The following SLC22A8 variants were observed in gnomAD, a reference collection of about 807,000 sequenced individuals.
The protein encoded by SLC22A8 is organic anion transporter 3.
Under a neutral mutation model 48.4 loss-of-function variants are expected in SLC22A8, and 40 were observed. The observed-to-expected ratio is 0.83, with a 90% CI of 0.64 to 1.08. The LOEUF (loss-of-function observed/expected upper bound fraction) is 1.08. SLC22A8 is among the 50% of genes least tolerant of loss of function. The probability of loss-of-function intolerance (pLI) is 0.00; values close to 1 mark genes in which losing one functional copy is unlikely to be tolerated. For missense variants in SLC22A8, 606 were observed against 699.0 expected (o/e 0.87, Z 1.50); for synonymous variants, 268 against 286.3 (o/e 0.94, Z 0.65).
chr11:63,010,757 G>A (rs901392644), intron 2 of SLC22A8, among the ~76,000 whole-genome samples: 1 of 152,140 alleles, frequency 6.6e-6, no homozygotes, highest in Non-Finnish European at 1.5e-5. Flanking sequence ...CTGGGATGGC[G>A]GTTCACACTA....
chr11:63,006,250 A>G (rs1020166267), intron 2 of SLC22A8, among the ~76,000 whole-genome samples: 1 of 152,186 alleles, frequency 6.6e-6, no homozygotes, highest in African/African-American at 2.4e-5. Context: ...GTTACACTAC[A>G]GAAGCTCCAT....
Position 63,014,841 on chromosome 11 carries a change from A to G in SLC22A8, c.118T>C (p.Phe40Leu), listed in dbSNP as rs2086656887. Reference sequence around the variant, plus strand: ...TGGTGGACAGGGGTGGCGGCTGTGAAGATCTGCAGCAGGTTGTGGTTGGCC... The same window carrying G: ...TGGTGGACAGGGGTGGCGGCTGTGAGGATCTGCAGCAGGTTGTGGTTGGCC... ...NMANHNLLQI[F>L]TAATPVHHCR... Residue 40 changes from phenylalanine to leucine, a missense_variant, in exon 2 of 11, where the codon TTC becomes CTC. Phe to Leu is a conservative substitution (Grantham distance 22). Transcript: ENST00000336232. 2 of 1,612,180 alleles carry G rather than the reference A, an allele frequency of 1.2e-6. No homozygotes were observed. Among genetic ancestry groups the G allele is most frequent in the African/African-American group, 2.7e-5 (2 of 74,892 alleles).
intron 2 of SLC22A8, among the ~76,000 whole-genome samples, chr11:63,005,997 G>C (rs1283521751): frequency 1.1e-4 from 17 of 152,206 alleles, no homozygotes; most frequent in Admixed American, 1.1e-3. Context: ...ATGGCAATGA[G>C]GGAACCAGAT....
chr11:63,009,996 C>T (rs1265557792), intron 2 of SLC22A8, among the ~76,000 whole-genome samples: 1 of 152,134 alleles, frequency 6.6e-6, no homozygotes, highest in Admixed American at 6.5e-5. Flanking sequence ...AGAGCTGGCT[C>T]CCCTTTTTAC....
chr11:62,994,088 A>G (rs547934381), intron 8 of SLC22A8: 83 of 590,364 alleles, frequency 1.4e-4, no homozygotes, highest in African/African-American at 1.2e-3. Flanking sequence ...ATTTTGTTGT[A>G]TATGTTCTTG....
intron 7 of SLC22A8, 137 bp from the exon 8 acceptor site, chr11:62,994,893 G>A: frequency 1.4e-6 from 1 of 691,782 alleles, no homozygotes; most frequent in Non-Finnish European, 2.6e-6. Flanking sequence ...CTGCTTGAGT[G>A]TCCTTTTGAG....
chr11:62,997,502 G>A (rs899143613), intron 5 of SLC22A8, among the ~76,000 whole-genome samples: 1 of 152,058 alleles, frequency 6.6e-6, no homozygotes, highest in Admixed American at 6.6e-5. Flanking sequence ...GATTACAGCC[G>A]TGAGCCACTG....
At chr11:63,014,582 G>T in intron 2 of SLC22A8, 44 bp downstream of exon 2, 1 of 1,505,514 alleles carries the variant, frequency 6.6e-7, no homozygotes, top group Non-Finnish European at 9.1e-7. Context: ...GCAGGGTATG[G>T]GGGTACGTGG....
Position 63,006,633 on chromosome 11 carries a change from A to G in SLC22A8, c.334-5810T>C, listed in dbSNP as rs867421118. ...TTTTTTTTTTTTTTTTTTGAGACAGAGTCTTGCTCTGTTACTCAGGCTGGA... is the reference window on the plus strand; with the variant it reads ...TTTTTTTTTTTTTTTTTTGAGACAGGGTCTTGCTCTGTTACTCAGGCTGGA... On this transcript the variant is annotated intron_variant, in intron 2 of 10. Coordinates refer to ENST00000336232, the MANE Select transcript of SLC22A8 (RefSeq NM_004254.4). Among the ~76,000 whole-genome samples, 16 of 59,744 alleles carry G rather than the reference A, an allele frequency of 2.7e-4. No individual in the cohort carries two copies. In the South Asian group the frequency reaches 7.1e-3, roughly 26 times the overall value. 39.2% of individuals were successfully genotyped at this position (59,744 alleles called of 152,430 possible). A position where few individuals can be genotyped will look rare whatever the true frequency, so the allele number is the denominator to read the frequency against.
intron 2 of SLC22A8, among the ~76,000 whole-genome samples, chr11:63,001,464 A>C (rs1185352500): frequency 6.6e-6 from 1 of 152,158 alleles, no homozygotes; most frequent in African/African-American, 2.4e-5. Flanking sequence ...ATCTGTGCTT[A>C]TCAAGGTCAC....
chr11:62,993,270 T>C lies in SLC22A8; in HGVS notation c.1596A>G (p.Leu532=). Residue 532 remains leucine (L), a synonymous_variant, in exon 11 of 11, where the codon CTA becomes CTG. Transcript: ENST00000336232. ...AGCCCAGGCCTGGTCCGTGAGGCTG[T>C]AGAGGGATCCTCTGGGAGGCCTTTT... ...EVEKASQRIP[L]QPHGPGLGSS is the part of the protein sequence containing the mutation. The C allele has an allele frequency of 6.2e-7, 1 of 1,613,238 alleles. No homozygotes were observed. Among genetic ancestry groups the C allele is most frequent in the Non-Finnish European group, 8.5e-7 (1 of 1,179,916 alleles).
chr11:62,997,983 C>A (rs987248603), intron 5 of SLC22A8, among the ~76,000 whole-genome samples: 4 of 151,980 alleles, frequency 2.6e-5, no homozygotes, highest in Non-Finnish European at 4.4e-5. Context: ...CGAAGTTTTG[C>A]TTTTGTTGCC....
rs80300569 is a variant in SLC22A8 at position 63,009,532 on chromosome 11, T to C, written c.333+5094A>G. Among the ~76,000 whole-genome samples, 267 of 152,284 alleles carry C rather than the reference T, an allele frequency of 1.8e-3. 5 individuals are homozygous for C. The East Asian group carries it at 0.037, about 21-fold the overall frequency. On this transcript the variant is annotated intron_variant, in intron 2 of 10. Transcript: ENST00000336232. ...CAAGCTGAGGTTCAGTGGTGGGGAC[T>C]ATGGGGTACGTGCCTCTCCAGGGAG...
rs1180311510 is a variant in SLC22A8, at chr11:62,993,612, G to A, written c.1341C>T (p.Gly447=). 25 of 1,608,398 alleles carry A rather than the reference G, an allele frequency of 1.6e-5. No individual in the cohort carries two copies. The highest frequency in any genetic ancestry group is 4.0e-5 in the African/African-American group (3 of 74,814). ...CCACGCGGGTCCACAGGTTACTTAC[G>A]CCCATACCTGTTTGCCTGCGAGGGT... ...YPTVIRQTGM[G]VSNLWTRVGS... is the part of the protein sequence containing the mutation. The change falls in exon 10 of 11, where the codon GGC becomes GGT. Residue 447 remains glycine, a synonymous_variant. Transcript: ENST00000336232.
intron 5 of SLC22A8, among the ~76,000 whole-genome samples, chr11:62,998,111 A>C (rs1216027042): frequency 6.6e-6 from 1 of 151,942 alleles, no homozygotes; most frequent in African/African-American, 2.4e-5. Flanking sequence ...GCCACCATGC[A>C]CGGCTAATTT....
chr11:63,001,846 A>G (rs2086498747), intron 2 of SLC22A8, among the ~76,000 whole-genome samples: 1 of 152,182 alleles, frequency 6.6e-6, no homozygotes, highest in African/African-American at 2.4e-5. Flanking sequence ...CCCAGATTCA[A>G]TGGGACTTAT....
At chr11:62,997,974 G>A (rs745651633) in intron 5 of SLC22A8, among the ~76,000 whole-genome samples, 4 of 151,660 alleles carry the variant, frequency 2.6e-5, no homozygotes, top group African/African-American at 7.3e-5. Flanking sequence ...TTTTTGAGAC[G>A]AAGTTTTGCT....
At position 62,993,571 on chromosome 11, in the gene SLC22A8, G is replaced by A. The variant is rs267603083; in HGVS notation, c.1382C>T (p.Pro461Leu). 49 of 1,613,688 alleles carry A rather than the reference G, an allele frequency of 3.0e-5. 1 individual carries two copies. In the Admixed American group the frequency reaches 5.0e-4, roughly 16 times the overall value. ...TACCTCACCCGTGATTTTCACCAGC[G>A]GGGACACCATGCTTCCCACGCGGGT... ...LWTRVGSMVS[P>L]LVKITGEVQP... The change falls in exon 10 of 11, where the codon CCG becomes CTG. Residue 461 changes from proline to leucine, a missense_variant. Coordinates refer to ENST00000336232, the MANE Select transcript of SLC22A8 (RefSeq NM_004254.4).
chr11:62,993,606 A>G lies in SLC22A8; in HGVS notation c.1347T>C (p.Ser449=), dbSNP rs746260486. The G allele has an allele frequency of 1.2e-6, 2 of 1,610,656 alleles. No individual in the cohort carries two copies. Among genetic ancestry groups the G allele is most frequent in the Non-Finnish European group, 1.7e-6 (2 of 1,177,322 alleles). Residue 449 remains serine (S), a synonymous_variant, in exon 10 of 11, where the codon AGT becomes AGC. Transcript: ENST00000336232. ...TGCTTCCCACGCGGGTCCACAGGTT[A>G]CTTACGCCCATACCTGTTTGCCTGC... The part of the protein sequence containing the change: ...TVIRQTGMGV[S]NLWTRVGSMV...
Sources: gnomAD v4.1 joint callset for allele counts (sites outside exome capture counted in the v4.1 genomes callset) on GRCh38, gnomAD v4.1.1 for gene constraint, MANE v1.5 for transcripts, NCBI Gene and HGNC (gene_info 2026-07-23, HGNC 2026-07-21) for gene names.